Variants in MAN1C1 observed in about 807,000 individuals in gnomAD.
The protein encoded by MAN1C1 is mannosidase alpha class 1C member 1.
A neutral mutation model predicts 71.5 loss-of-function variants in MAN1C1; 49 were observed. The observed-to-expected ratio is 0.69, with a 90% confidence interval of 0.54 to 0.87. The LOEUF (loss-of-function observed/expected upper bound fraction) is 0.87, where lower values mean the gene tolerates loss of function less well. Among genes scored for constraint, MAN1C1 ranks in the 40% least tolerant of loss-of-function variants. The probability of loss-of-function intolerance (pLI) is 0.00; values close to 1 mark genes in which losing one functional copy is unlikely to be tolerated. For synonymous variants in MAN1C1, 352 were observed against 343.7 expected, an observed-to-expected ratio of 1.02 and a Z score of -0.27; for missense variants, 743 against 835.0, an observed-to-expected ratio of 0.89 and a Z score of 1.36.
chr1:25,733,378 C>T (rs1323031701), intron 2 of MAN1C1, among the ~76,000 whole-genome samples: 1 of 152,124 alleles, frequency 6.6e-6, no homozygotes, highest in Non-Finnish European at 1.5e-5. Flanking sequence ...GGCCTCCACC[C>T]CCTCACTGCC....
intron 1 of MAN1C1, among the ~76,000 whole-genome samples, chr1:25,636,639 G>C (rs934650544): frequency 3.3e-5 from 5 of 152,148 alleles, no homozygotes; most frequent in African/African-American, 1.2e-4. Flanking sequence ...AAACACACAT[G>C]TGTTACAATC....
rs61777480 is a variant in MAN1C1, at chr1:25,624,465, G to A, written c.540+6128G>A. On this transcript the variant is annotated intron_variant, in intron 1 of 11. Transcript: ENST00000374332. ...AGCTCCCCACACTTGGCAGGCAGGT[G>A]GTCAAAACAGTTCTTACTCACAAGG... 6.0e-3 allele frequency among the ~76,000 whole-genome samples: 909 copies of A among 152,210 alleles called. 4 individuals are homozygous for A. Among genetic ancestry groups the A allele is most frequent in the Non-Finnish European group, 9.6e-3 (653 of 68,016 alleles).
At position 25,778,387 on chromosome 1, in the gene MAN1C1, A is replaced by C. The variant is rs1048633942; in HGVS notation, c.1477+63A>C. ...AGGCTAGACACCAGGAAGAACTGGA[A>C]AGACCGGCAGCAGTGAGCGAAGGGA... On this transcript the variant is annotated intron_variant, in intron 9 of 11. Coordinates refer to ENST00000374332, the MANE Select transcript of MAN1C1 (RefSeq NM_020379.4). This position sits in a 1 kb window ranked among gnomAD's most constrained non-coding sequence, Gnocchi z 5.5. 20 of 1,506,980 alleles carry C rather than the reference A, an allele frequency of 1.3e-5. No homozygotes were observed. In the Admixed American group the frequency reaches 2.5e-4, roughly 19 times the overall value. The allele number at this position is 1,506,980 out of a possible 1,614,324, so 93.4% of individuals were successfully genotyped here.
At chr1:25,691,521 T>G (rs931597056) in intron 2 of MAN1C1, among the ~76,000 whole-genome samples, 1 of 152,230 alleles carries the variant, frequency 6.6e-6, no homozygotes, top group Admixed American at 6.5e-5. Flanking sequence ...ATGAAGTGCT[T>G]ATATTCATGC....
intron 1 of MAN1C1, among the ~76,000 whole-genome samples, chr1:25,649,486 C>T (rs1355591251): frequency 6.6e-6 from 1 of 152,214 alleles, no homozygotes; most frequent in East Asian, 1.9e-4. Flanking sequence ...CACTTGTCCT[C>T]TTGACTTTCT....
chr1:25,706,391 G>A (rs1241572395), intron 2 of MAN1C1, among the ~76,000 whole-genome samples: 2 of 152,188 alleles, frequency 1.3e-5, no homozygotes, highest in African/African-American at 4.8e-5. Flanking sequence ...ACCATCCAGA[G>A]ACGGGAACAT....
At chr1:25,708,814 G>A (rs1437339969) in intron 2 of MAN1C1, among the ~76,000 whole-genome samples, 1 of 152,138 alleles carries the variant, frequency 6.6e-6, no homozygotes, top group Non-Finnish European at 1.5e-5. Context: ...AACCTGGGAG[G>A]TGGAGGTTGC....
At chr1:25,660,406 T>C (rs1319352258) in intron 1 of MAN1C1, among the ~76,000 whole-genome samples, 5 of 137,730 alleles carry the variant, frequency 3.6e-5, no homozygotes, top group African/African-American at 1.4e-4. Context: ...CTTTTTTTTT[T>C]TTTTTTTTTT....
intron 2 of MAN1C1, among the ~76,000 whole-genome samples, chr1:25,719,808 C>G (rs2046739397): frequency 6.6e-6 from 1 of 152,096 alleles, no homozygotes; most frequent in African/African-American, 2.4e-5. Flanking sequence ...TTGTTTGAGA[C>G]AGTTTCACTC....
intron 1 of MAN1C1, among the ~76,000 whole-genome samples, chr1:25,627,317 T>C (rs772382109): frequency 3.3e-5 from 5 of 152,006 alleles, no homozygotes; most frequent in Non-Finnish European, 5.9e-5. Flanking sequence ...TTTCTCGCTT[T>C]GTCGCCCAGG....
At chr1:25,768,191 A>G (rs1572207541) in intron 7 of MAN1C1, among the ~76,000 whole-genome samples, 2 of 117,638 alleles carry the variant, frequency 1.7e-5, no homozygotes, top group African/African-American at 3.4e-5. Context: ...GTCCCCTCAC[A>G]TACATCCACA....
At position 25,617,129 on chromosome 1, in the gene MAN1C1, G is replaced by C. The variant is rs548104725; in HGVS notation, c.-669G>C. Among the ~76,000 whole-genome samples the C allele has an allele frequency of 1.2e-4, 18 of 151,996 alleles. No individual in the cohort carries two copies. Among genetic ancestry groups the C allele is most frequent in the Non-Finnish European group, 2.4e-4 (16 of 67,936 alleles). On this transcript the variant is annotated 5_prime_UTR_variant, in exon 1 of 12. Transcript: ENST00000374332. The surrounding 1 kb of genome is among the most constrained non-coding windows in gnomAD (Gnocchi z 5.1). The stretch of plus-strand genomic sequence containing the variant: ...GGAAGCCCCCTGCCCCCGCAGGCTC[G>C]GAAGTGCCTGCTCCTGCTCCCTGGC...
At chr1:25,625,152 C>G (rs962226901) in intron 1 of MAN1C1, among the ~76,000 whole-genome samples, 3 of 151,644 alleles carry the variant, frequency 2.0e-5, no homozygotes, top group African/African-American at 7.3e-5. Flanking sequence ...ATTACAGGCA[C>G]CTGCCACCAT....
chr1:25,692,494 G>A (rs2046322024), intron 2 of MAN1C1, among the ~76,000 whole-genome samples: 1 of 152,150 alleles, frequency 6.6e-6, no homozygotes, highest in Non-Finnish European at 1.5e-5. Context: ...GATTACAGGC[G>A]GGAGCCACTG....
intron 2 of MAN1C1, among the ~76,000 whole-genome samples, chr1:25,690,879 T>C (rs2046299075): frequency 6.6e-6 from 1 of 152,158 alleles, no homozygotes; most frequent in Non-Finnish European, 1.5e-5. Context: ...GCTTGAAGAA[T>C]GCATGGCAGA....
intron 2 of MAN1C1, among the ~76,000 whole-genome samples, chr1:25,687,350 G>T (rs560455336): frequency 6.6e-6 from 1 of 152,280 alleles, no homozygotes; most frequent in East Asian, 1.9e-4. Context: ...GGACTGCAGG[G>T]TGCCTTCTTG....
intron 2 of MAN1C1, among the ~76,000 whole-genome samples, chr1:25,699,929 T>G (rs947466005): frequency 3.3e-5 from 5 of 152,158 alleles, no homozygotes; most frequent in Admixed American, 2.0e-4. Flanking sequence ...CACAGACAGC[T>G]GTTCTCCCAA....
chr1:25,657,497 G>C (rs2045784354), intron 1 of MAN1C1, among the ~76,000 whole-genome samples: 1 of 152,222 alleles, frequency 6.6e-6, no homozygotes, highest in African/African-American at 2.4e-5. Context: ...TCCGCACACA[G>C]AAGCAATTTA....
intron 3 of MAN1C1, among the ~76,000 whole-genome samples, chr1:25,747,076 G>T (rs1473617230): frequency 6.6e-6 from 1 of 152,222 alleles, no homozygotes; most frequent in Non-Finnish European, 1.5e-5. Context: ...GGGGCACATT[G>T]CTTCCACCCT....
Sources: gnomAD v4.1 joint callset for allele counts (sites outside exome capture counted in the v4.1 genomes callset) on GRCh38, gnomAD v4.1.1 for gene constraint, Gnocchi (gnomAD v3.1) non-coding constraint, MANE v1.5 for transcripts, NCBI Gene and HGNC (gene_info 2026-07-23, HGNC 2026-07-21) for gene names.